Variants in CNTN3 observed in about 807,000 individuals in gnomAD.
CNTN3 encodes the protein contactin 3, also known as contactin-3.
CNTN3 carries 60 observed loss-of-function variants against 119.1 expected under a neutral mutation model. That is an observed-to-expected ratio of 0.50 (90% CI 0.41 to 0.62). The LOEUF is 0.62. Ranked by LOEUF, CNTN3 falls within the 20% of genes least tolerant of loss-of-function variation. CNTN3 has a pLI of 0.00. For synonymous variants in CNTN3, 450 were observed against 438.7 expected (o/e 1.03, Z -0.32); for missense variants, 1,101 against 1,242.4 (o/e 0.89, Z 1.71).
intron 13 of CNTN3, among the ~76,000 whole-genome samples, chr3:74,315,736 G>A (rs1263504467): frequency 6.6e-6 from 1 of 152,148 alleles, no homozygotes; most frequent in African/African-American, 2.4e-5. Context: ...ATCTTGTGGT[G>A]CTGGGATAAT....
intron 13 of CNTN3, among the ~76,000 whole-genome samples, chr3:74,309,549 T>G (rs979497863): frequency 6.6e-6 from 1 of 152,170 alleles, no homozygotes; most frequent in Non-Finnish European, 1.5e-5. Flanking sequence ...CTGGGAAATC[T>G]TTTTAAGAAA....
At chr3:74,476,638 T>C (rs894497729) in intron 4 of CNTN3, among the ~76,000 whole-genome samples, 2 of 152,100 alleles carry the variant, frequency 1.3e-5, no homozygotes, top group Non-Finnish European at 2.9e-5. Flanking sequence ...AATGAATACC[T>C]AAATACTTTA....
At chr3:74,461,855 A>G (rs1343742401) in intron 4 of CNTN3, among the ~76,000 whole-genome samples, 2 of 152,052 alleles carry the variant, frequency 1.3e-5, no homozygotes, top group South Asian at 2.1e-4. Flanking sequence ...ATGTTTCTCA[A>G]TTCTTCAACA....
intron 4 of CNTN3, among the ~76,000 whole-genome samples, chr3:74,465,696 A>G (rs1401839739): frequency 6.6e-6 from 1 of 152,172 alleles, no homozygotes; most frequent in Admixed American, 6.5e-5. Context: ...TGACAACAGC[A>G]TATTTACTTT....
At chr3:74,582,444 C>T (rs977994611) in intron 1 of CNTN3, among the ~76,000 whole-genome samples, 22 of 151,876 alleles carry the variant, frequency 1.4e-4, no homozygotes, top group Admixed American at 9.9e-4. Flanking sequence ...AGACAAGCCA[C>T]ACTCTAGGAA....
At chr3:74,503,609 T>C (rs1004590056) in intron 2 of CNTN3, among the ~76,000 whole-genome samples, 1 of 152,056 alleles carries the variant, frequency 6.6e-6, no homozygotes, top group African/African-American at 2.4e-5. Context: ...TATCCAACAT[T>C]TTCTTCAAAA....
chr3:74,458,503 C>T (rs979288773), intron 4 of CNTN3, among the ~76,000 whole-genome samples: 1 of 151,980 alleles, frequency 6.6e-6, no homozygotes, highest in African/African-American at 2.4e-5. Flanking sequence ...CACAAGCCAC[C>T]CCCATTTGTC....
chr3:74,432,679 G>A (rs761478449), intron 4 of CNTN3, among the ~76,000 whole-genome samples: 2 of 152,140 alleles, frequency 1.3e-5, no homozygotes, highest in Non-Finnish European at 2.9e-5. Context: ...CTCCTAAATC[G>A]GAATATTAGA....
At chr3:74,483,596 T>A (rs1336710992) in intron 4 of CNTN3, among the ~76,000 whole-genome samples, 4 of 152,072 alleles carry the variant, frequency 2.6e-5, no homozygotes, top group Non-Finnish European at 4.4e-5. Flanking sequence ...AAGAGATGGA[T>A]TATCTAAGCC....
In CNTN3 at chr3:74,609,587, T is replaced by C. The variant is rs1446455767; in HGVS notation, c.-81+4804A>G. 2.0e-5 allele frequency among the ~76,000 whole-genome samples: 3 copies of C among 152,086 alleles called. No homozygotes were observed. In the East Asian group the frequency reaches 5.8e-4, roughly 29 times the overall value. On this transcript the variant is annotated intron_variant, in intron 1 of 22. Coordinates refer to ENST00000263665, the MANE Select transcript of CNTN3 (RefSeq NM_020872.3). ...AATGATAATTCCATTTTGGACAACA[T>C]TGGTTTGAAGTAGCAGGTGTCCAAG...
chr3:74,356,382 A>G (rs888687357), intron 11 of CNTN3, among the ~76,000 whole-genome samples: 5 of 152,072 alleles, frequency 3.3e-5, no homozygotes, highest in Non-Finnish European at 7.3e-5. Context: ...CTCTTCTCCA[A>G]CAAAAACCCT....
intron 3 of CNTN3, among the ~76,000 whole-genome samples, chr3:74,498,179 G>C (rs1425729196): frequency 6.6e-6 from 1 of 151,750 alleles, no homozygotes; most frequent in East Asian, 1.9e-4. Flanking sequence ...CATATTTACA[G>C]CTATGTCTAT....
intron 13 of CNTN3, among the ~76,000 whole-genome samples, chr3:74,320,262 C>T (rs1252284216): frequency 6.6e-6 from 1 of 152,158 alleles, no homozygotes; most frequent in East Asian, 1.9e-4. Context: ...AGACTTGGAA[C>T]CAACCCAAAT....
intron 1 of CNTN3, among the ~76,000 whole-genome samples, chr3:74,582,170 G>T (rs1704519204): frequency 6.6e-6 from 1 of 152,152 alleles, no homozygotes; most frequent in South Asian, 2.1e-4. Context: ...ACTTTGGGAG[G>T]CAGAGGTGGA....
intron 2 of CNTN3, among the ~76,000 whole-genome samples, chr3:74,509,633 GA>G (rs1356031035): frequency 6.6e-6 from 1 of 152,118 alleles, no homozygotes; most frequent in East Asian, 1.9e-4. Flanking sequence ...TAATGGCACA[GA>G]TTATAAATAA....
chr3:74,579,859 G>A (rs1239528290), intron 1 of CNTN3, among the ~76,000 whole-genome samples: 5 of 151,810 alleles, frequency 3.3e-5, no homozygotes, highest in Non-Finnish European at 2.9e-5. Context: ...CAAAAGAAGA[G>A]GAACAAATGA....
intron 1 of CNTN3, among the ~76,000 whole-genome samples, chr3:74,551,835 T>C (rs1176630667): frequency 1.5e-5 from 2 of 137,330 alleles, no homozygotes; most frequent in African/African-American, 5.6e-5. Flanking sequence ...GCGATCTCGG[T>C]GCACTGCAGC....
intron 1 of CNTN3, among the ~76,000 whole-genome samples, chr3:74,550,847 C>A (rs1222380476): frequency 6.6e-6 from 1 of 152,148 alleles, no homozygotes; most frequent in Admixed American, 6.5e-5. Flanking sequence ...GGCCAGCAGC[C>A]AGCTTTTATC....
At chr3:74,368,439 A>C (rs1180684682) in intron 8 of CNTN3, among the ~76,000 whole-genome samples, 1 of 152,118 alleles carries the variant, frequency 6.6e-6, no homozygotes, top group African/African-American at 2.4e-5. Context: ...GTGCAAATAT[A>C]TATTCACTGA....
Sources: gnomAD v4.1 joint callset for allele counts (sites outside exome capture counted in the v4.1 genomes callset) on GRCh38, gnomAD v4.1.1 for gene constraint, MANE v1.5 for transcripts, NCBI Gene and HGNC (gene_info 2026-07-23, HGNC 2026-07-21) for gene names.